The following UST variants were observed in gnomAD, a reference collection of about 807,000 sequenced individuals.
UST encodes the protein uronyl 2-sulfotransferase, also known as chondroitin sulfate 2-O-sulfotransferase.
UST carries 21 observed loss-of-function variants against 45.6 expected under a neutral mutation model. The ratio of observed to expected loss-of-function variants is 0.46; its 90% CI spans 0.33 to 0.66. UST has a LOEUF of 0.66. Among genes scored for constraint, UST ranks in the 30% least tolerant of loss-of-function variants. The pLI, the probability that UST is intolerant of heterozygous loss-of-function variation, is 0.02. For missense variants in UST, 463 were observed against 512.4 expected (o/e 0.90, Z 0.93); for synonymous variants, 215 against 200.6 (o/e 1.07, Z -0.61).
intron 5 of UST, among the ~76,000 whole-genome samples, chr6:149,016,324 G>A (rs1423415883): frequency 6.6e-6 from 1 of 152,176 alleles, no homozygotes; most frequent in African/African-American, 2.4e-5. Context: ...AGGCCCCAGT[G>A]CCTCCTCCGC....
chr6:149,028,092 C>T (rs1290729508), intron 7 of UST, among the ~76,000 whole-genome samples: 1 of 152,082 alleles, frequency 6.6e-6, no homozygotes, highest in African/African-American at 2.4e-5. Flanking sequence ...GAGCCACCTG[C>T]CTCGGCCTCC....
At position 148,933,456 on chromosome 6, in the gene UST, A is replaced by G. The variant is rs1779960229; in HGVS notation, c.292-7823A>G. ...ACACATGGAATTGTTTCAAGTGGGA[A>G]CAGGGGAAGAGAAGAAAGCCAAAGG... On this transcript the variant is annotated intron_variant, in intron 2 of 7. Transcript: ENST00000367463. 1.3e-5 allele frequency among the ~76,000 whole-genome samples: 2 copies of G among 152,228 alleles called. 1 individual carries two copies. The highest frequency in any genetic ancestry group is 4.1e-4 in the South Asian group (2 of 4,834).
At chr6:148,765,995 T>A (rs1332984479) in intron 1 of UST, among the ~76,000 whole-genome samples, 1 of 152,212 alleles carries the variant, frequency 6.6e-6, no homozygotes, top group Non-Finnish European at 1.5e-5. Flanking sequence ...TTGTCCTATA[T>A]GGCTTTTATT....
chr6:148,897,911 A>G (rs961460309), intron 2 of UST, among the ~76,000 whole-genome samples: 4 of 152,194 alleles, frequency 2.6e-5, no homozygotes, highest in Non-Finnish European at 5.9e-5. Flanking sequence ...CTAATTCAGG[A>G]CACTAAGCAA....
intron 5 of UST, among the ~76,000 whole-genome samples, chr6:149,005,104 C>T (rs889736587): frequency 1.3e-5 from 2 of 151,992 alleles, no homozygotes; most frequent in Non-Finnish European, 2.9e-5. Context: ...CAATGATTCT[C>T]AGATCTAGAA....
intron 5 of UST, among the ~76,000 whole-genome samples, chr6:149,014,412 C>T (rs1293513635): frequency 6.6e-6 from 1 of 152,182 alleles, no homozygotes; most frequent in Non-Finnish European, 1.5e-5. Context: ...GGTTAGAGTG[C>T]CAGGTCCCAG....
chr6:148,787,282 A>G (rs1776750737), intron 1 of UST, among the ~76,000 whole-genome samples: 1 of 152,116 alleles, frequency 6.6e-6, no homozygotes. Context: ...GTCCTGAATG[A>G]CGTTGCCTAG....
chr6:148,888,814 CA>C (rs1427241625), intron 2 of UST, among the ~76,000 whole-genome samples: 1 of 152,102 alleles, frequency 6.6e-6, no homozygotes, highest in Non-Finnish European at 1.5e-5. Flanking sequence ...TGAAACAAAA[CA>C]AGAACAACAA....
chr6:148,767,521 G>T (rs184121449), intron 1 of UST, among the ~76,000 whole-genome samples: 4 of 152,062 alleles, frequency 2.6e-5, no homozygotes, highest in African/African-American at 9.7e-5. Context: ...CCGTTTTACC[G>T]TTTGACTGTT....
intron 2 of UST, among the ~76,000 whole-genome samples, chr6:148,921,220 G>A (rs1163379890): frequency 6.6e-6 from 1 of 152,224 alleles, no homozygotes; most frequent in East Asian, 1.9e-4. Context: ...GGAAGGGGAA[G>A]AGTTCCATGA....
chr6:148,787,454 C>T lies in UST; in HGVS notation c.247+39777C>T, dbSNP rs142098858. 3.8e-3 allele frequency among the ~76,000 whole-genome samples: 578 copies of T among 152,152 alleles called. 4 individuals are homozygous for T. The highest frequency in any genetic ancestry group is 0.017 in the Middle Eastern group (5 of 292). ...CATTTATTAAATAGGAAATCCTTTC[C>T]CCATTGCTTGTTTTTTTCAGGTTTG... On this transcript the variant is annotated intron_variant, in intron 1 of 7. Transcript: ENST00000367463.
chr6:148,925,385 G>A (rs1779791616), intron 2 of UST, among the ~76,000 whole-genome samples: 1 of 152,058 alleles, frequency 6.6e-6, no homozygotes, highest in Non-Finnish European at 1.5e-5. Context: ...TAAAAAGAAA[G>A]GGACGAATGC....
chr6:149,041,258 T>G (rs2115031146), intron 7 of UST, among the ~76,000 whole-genome samples: 1 of 152,356 alleles, frequency 6.6e-6, no homozygotes, highest in Non-Finnish European at 1.5e-5. Context: ...GCTGGCTGCC[T>G]GTGATCCACT....
chr6:148,886,841 C>T, intron 1 of UST, 145 bp from the exon 2 acceptor site: 1 of 713,596 alleles, frequency 1.4e-6, no homozygotes, highest in Non-Finnish European at 2.5e-6. Context: ...TCCAGTCAAA[C>T]CAGTGATTAA....
At chr6:148,976,654 C>T (rs530257774) in intron 5 of UST, among the ~76,000 whole-genome samples, 1 of 152,306 alleles carries the variant, frequency 6.6e-6, no homozygotes, top group South Asian at 2.1e-4. Flanking sequence ...TGAAGTTGAG[C>T]ATCTTCTCAC....
chr6:148,909,496 A>G (rs1394386000), intron 2 of UST, among the ~76,000 whole-genome samples: 1 of 152,226 alleles, frequency 6.6e-6, no homozygotes, highest in East Asian at 1.9e-4. Flanking sequence ...ATCTTACTCT[A>G]AAAAGACTCT....
intron 1 of UST, among the ~76,000 whole-genome samples, chr6:148,827,127 A>C (rs1421425465): frequency 1.3e-5 from 2 of 152,184 alleles, no homozygotes; most frequent in African/African-American, 4.8e-5. Context: ...GTTGTTCTAT[A>C]GTGCATGTGG....
rs1045912704 is a variant in UST, at chr6:149,038,306, G to T, written c.937+16825G>T. Among the ~76,000 whole-genome samples, 24 of 149,908 alleles carry T rather than the reference G, an allele frequency of 1.6e-4. 1 individual carries two copies. Among genetic ancestry groups the T allele is most frequent in the Middle Eastern group, 3.4e-3 (1 of 294 alleles). ...GACCTTATTTGGAAGTAGAGACTTT[G>T]CAGATGTAATCAAGTTAAGATGAGG... On this transcript the variant is annotated intron_variant, in intron 7 of 7. Coordinates refer to ENST00000367463, the MANE Select transcript of UST (RefSeq NM_005715.3).
chr6:148,812,773 C>G (rs886525132), intron 1 of UST, among the ~76,000 whole-genome samples: 3 of 152,220 alleles, frequency 2.0e-5, no homozygotes, highest in Non-Finnish European at 4.4e-5. Context: ...TATAGTTTAA[C>G]TTCTGCCATA....
Sources: allele counts gnomAD v4.1 joint callset (sites outside exome capture counted in the v4.1 genomes callset), GRCh38; gene constraint gnomAD v4.1.1; transcripts MANE v1.5; gene names NCBI Gene and HGNC (gene_info 2026-07-23, HGNC 2026-07-21).